The following PLA2G4A variants were observed in gnomAD, a reference collection of about 807,000 sequenced individuals.
The protein encoded by PLA2G4A is cytosolic phospholipase A2.
A neutral mutation model predicts 81.9 loss-of-function variants in PLA2G4A; 40 were observed. The observed-to-expected ratio is 0.49, with a 90% CI of 0.38 to 0.64. The LOEUF is 0.64. Among genes scored for constraint, PLA2G4A ranks in the 30% least tolerant of loss-of-function variants. The pLI is 0.00. For missense variants in PLA2G4A, 715 were observed against 905.1 expected (o/e 0.79, Z 2.69); for synonymous variants, 302 against 296.9 (o/e 1.02, Z -0.18).
intron 2 of PLA2G4A, among the ~76,000 whole-genome samples, chr1:186,863,953 G>C (rs1013502010): frequency 6.6e-6 from 1 of 151,806 alleles, no homozygotes; most frequent in Admixed American, 6.6e-5. Flanking sequence ...GTAGAGATGG[G>C]GTTTCACCAT....
At chr1:186,893,517 T>A (rs1355842324) in intron 4 of PLA2G4A, among the ~76,000 whole-genome samples, 1 of 152,238 alleles carries the variant, frequency 6.6e-6, no homozygotes, top group Non-Finnish European at 1.5e-5. Flanking sequence ...TGCATTAATA[T>A]CTTTCTCATA....
chr1:186,896,694 G>A (rs1409998789), intron 5 of PLA2G4A, among the ~76,000 whole-genome samples: 2 of 152,150 alleles, frequency 1.3e-5, no homozygotes, highest in Non-Finnish European at 2.9e-5. Context: ...CTCTAAAAAG[G>A]CTTTCCACAT....
chr1:186,836,111 G>A (rs1651766354), intron 1 of PLA2G4A, among the ~76,000 whole-genome samples: 1 of 151,756 alleles, frequency 6.6e-6, no homozygotes, highest in South Asian at 2.1e-4. Flanking sequence ...ATATGTTTTA[G>A]GTTGACAAAT....
intron 14 of PLA2G4A, 34 bp downstream of exon 14, chr1:186,956,378 G>A (rs756639305): frequency 1.3e-6 from 2 of 1,575,364 alleles, no homozygotes; most frequent in Non-Finnish European, 1.7e-6. Context: ...GGGAGCTAAT[G>A]CAGGAGATCT....
At chr1:186,852,994 T>C (rs1652427348) in intron 1 of PLA2G4A, among the ~76,000 whole-genome samples, 1 of 152,006 alleles carries the variant, frequency 6.6e-6, no homozygotes, top group Admixed American at 6.6e-5. Flanking sequence ...GATAAAAGTA[T>C]TTGTACTTTA....
intron 7 of PLA2G4A, among the ~76,000 whole-genome samples, chr1:186,925,212 C>A (rs1043679226): frequency 3.3e-5 from 5 of 152,180 alleles, no homozygotes; most frequent in Non-Finnish European, 7.3e-5. Context: ...TTCCTGCCAG[C>A]ATCTCAAACT....
chr1:186,977,890 C>G, intron 16 of PLA2G4A, 102 bp downstream of exon 16: 1 of 801,348 alleles, frequency 1.2e-6, no homozygotes, highest in Non-Finnish European at 2.2e-6. Context: ...AGCTATTACA[C>G]TATTGAATGC....
At chr1:186,870,922 T>C (rs1424703294) in intron 3 of PLA2G4A, among the ~76,000 whole-genome samples, 1 of 152,224 alleles carries the variant, frequency 6.6e-6, no homozygotes, top group Non-Finnish European at 1.5e-5. Context: ...GAACAGCATT[T>C]TACCTGGGCC....
intron 1 of PLA2G4A, among the ~76,000 whole-genome samples, chr1:186,844,658 G>A (rs550012708): frequency 1.5e-4 from 23 of 152,254 alleles, no homozygotes; most frequent in African/African-American, 2.9e-4. Context: ...AGCAGGGAGG[G>A]ATAGCATTAG....
chr1:186,961,304 A>C (rs1262938161), intron 14 of PLA2G4A, among the ~76,000 whole-genome samples: 1 of 152,140 alleles, frequency 6.6e-6, no homozygotes, highest in Non-Finnish European at 1.5e-5. Flanking sequence ...GTTAATAATA[A>C]TGTACATTTC....
intron 15 of PLA2G4A, among the ~76,000 whole-genome samples, chr1:186,967,206 T>C (rs1657163638): frequency 6.6e-6 from 1 of 152,148 alleles, no homozygotes; most frequent in African/African-American, 2.4e-5. Context: ...CTTAAATATA[T>C]AGAAAACCTT....
intron 8 of PLA2G4A, among the ~76,000 whole-genome samples, chr1:186,934,461 T>TACAC (rs778835783): frequency 0.1 from 14,092 of 137,660 alleles, 1,627 homozygotes; most frequent in African/African-American, 0.25. Context: ...TATATATATA[T>TACAC]ATACATACAC....
chr1:186,921,461 C>A (rs1655346776), intron 7 of PLA2G4A, among the ~76,000 whole-genome samples: 1 of 152,216 alleles, frequency 6.6e-6, no homozygotes, highest in Non-Finnish European at 1.5e-5. Flanking sequence ...GGTTGATACA[C>A]AAAGGCACGC....
At chr1:186,861,459 G>A (rs116425854) in intron 2 of PLA2G4A, among the ~76,000 whole-genome samples, 1 of 152,064 alleles carries the variant, frequency 6.6e-6, no homozygotes, top group East Asian at 1.9e-4. Context: ...TTCCTATCTA[G>A]TTAGTTCTTT....
At chr1:186,945,550 C>T (rs944872788) in intron 10 of PLA2G4A, among the ~76,000 whole-genome samples, 3 of 152,064 alleles carry the variant, frequency 2.0e-5, no homozygotes, top group Admixed American at 2.0e-4. Flanking sequence ...TGTATCAGTA[C>T]GATCACAGTG....
At chr1:186,941,188 G>A (rs1656143341) in intron 10 of PLA2G4A, among the ~76,000 whole-genome samples, 1 of 151,186 alleles carries the variant, frequency 6.6e-6, no homozygotes, top group South Asian at 2.1e-4. Context: ...CAGCACAATA[G>A]CATTTCTGAC....
chr1:186,964,984 C>T (rs1390900367), intron 14 of PLA2G4A, among the ~76,000 whole-genome samples: 1 of 152,200 alleles, frequency 6.6e-6, no homozygotes, highest in African/African-American at 2.4e-5. Flanking sequence ...ATTGGCTTCA[C>T]CCTCCATTTA....
chr1:186,829,367 A>G (rs1651468912), intron 1 of PLA2G4A, among the ~76,000 whole-genome samples: 1 of 152,186 alleles, frequency 6.6e-6, no homozygotes, highest in African/African-American at 2.4e-5. Context: ...ACGTGATGAC[A>G]CCCAATGGTT....
At chr1:186,980,024 T>G (rs1657667304) in intron 17 of PLA2G4A, among the ~76,000 whole-genome samples, 1 of 139,320 alleles carries the variant, frequency 7.2e-6, no homozygotes, top group African/African-American at 2.6e-5. Context: ...GTCGGCTCAC[T>G]GCAAGCTCCG....
Sources: allele counts gnomAD v4.1 joint callset (sites outside exome capture counted in the v4.1 genomes callset), GRCh38; gene constraint gnomAD v4.1.1; transcripts MANE v1.5; gene names NCBI Gene and HGNC (gene_info 2026-07-23, HGNC 2026-07-21).